TDRD3: variants seen among roughly 807,000 people sequenced by gnomAD.
The protein encoded by TDRD3 is tudor domain containing 3, also known as tudor domain-containing protein 3.
Under a neutral mutation model 86.7 loss-of-function variants are expected in TDRD3, and 45 were observed. The observed-to-expected ratio is 0.52, with a 90% CI of 0.41 to 0.67. The LOEUF is 0.67. Ranked by LOEUF, TDRD3 falls within the 30% of genes least tolerant of loss-of-function variation. The pLI is 0.00. For synonymous variants in TDRD3, 298 were observed against 301.7 expected (o/e 0.99, Z 0.13); for missense variants, 814 against 889.0 (o/e 0.92, Z 1.07).
chr13:60,502,533 C>T (rs1290891156), intron 8 of TDRD3, among the ~76,000 whole-genome samples: 1 of 152,044 alleles, frequency 6.6e-6, no homozygotes. Context: ...TCTATATAGG[C>T]CTTTTGGATT....
chr13:60,425,512 A>G (rs995534635), intron 1 of TDRD3, among the ~76,000 whole-genome samples: 1 of 152,216 alleles, frequency 6.6e-6, no homozygotes, highest in African/African-American at 2.4e-5. Flanking sequence ...TTCTGAGTAT[A>G]TATCCAAAGA....
intron 12 of TDRD3, among the ~76,000 whole-genome samples, chr13:60,541,592 A>G (rs1298494791): frequency 6.6e-6 from 1 of 151,800 alleles, no homozygotes; most frequent in Non-Finnish European, 1.5e-5. Context: ...AATATATGGC[A>G]TTGGTTAATT....
upstream of TDRD3, chr13:60,397,188 G>A: frequency 2.4e-6 from 1 of 411,460 alleles, no homozygotes; most frequent in East Asian, 3.6e-5. Context: ...AAAACGCGGC[G>A]AGCGGAACCC....
rs1319012879 is a variant in TDRD3, at chr13:60,529,150, C to T, written c.1925C>T (p.Pro642Leu). 6.2e-7 allele frequency: 1 copy of T among 1,612,160 alleles called. No homozygotes were observed. Among genetic ancestry groups the T allele is most frequent in the Non-Finnish European group, 8.5e-7 (1 of 1,179,504 alleles). The part of the protein sequence containing the change: ...KPEKILESSI[P>L]MEYAKMWKPG... ...GAAAAAATACTAGAATCATCTATTC[C>T]TATGGAGTATGCAAAAATGTGGAAA... is the stretch of plus-strand genomic sequence containing the variant. The change falls in exon 11 of 14, where the codon CCT becomes CTT. Residue 642 changes from proline to leucine, a missense_variant. Pro to Leu is a moderately conservative substitution (Grantham distance 98, BLOSUM62 -3). Transcript: ENST00000377881.
At chr13:60,499,940 G>A (rs1956798373) in intron 8 of TDRD3, among the ~76,000 whole-genome samples, 1 of 152,192 alleles carries the variant, frequency 6.6e-6, no homozygotes, top group Non-Finnish European at 1.5e-5. Context: ...ACAGGTCCAG[G>A]CTGCTGTGCA....
intron 1 of TDRD3, among the ~76,000 whole-genome samples, chr13:60,423,164 T>C (rs903237000): frequency 5.3e-5 from 8 of 152,154 alleles, no homozygotes; most frequent in African/African-American, 1.9e-4. Context: ...AGTGGAAGTA[T>C]GAATTTGGGA....
Position 60,528,412 on chromosome 13 carries a change from C to A in TDRD3, c.1187C>A (p.Ser396Ter). 6.2e-7 allele frequency: 1 copy of A among 1,613,546 alleles called. No individual in the cohort carries two copies. Among genetic ancestry groups the A allele is most frequent in the Non-Finnish European group, 8.5e-7 (1 of 1,179,806 alleles). The change falls in exon 11 of 14, where the codon TCA becomes TAA. Residue 396 changes from serine (S) to a stop codon, truncating the protein, a stop_gained. Coordinates refer to ENST00000377881, the MANE Select transcript of TDRD3 (RefSeq NM_001146070.2). LOFTEE classifies it high-confidence loss of function. ...CAGCTTCATCAGGGACAATACAGAT[C>A]ATCAAATACTGAGCAAAATGGAGTA... is the stretch of plus-strand genomic sequence containing the variant. ...PQQLHQGQYR[S>*]SNTEQNGVKD...
rs140372024 is a variant in TDRD3 at position 60,421,014 on chromosome 13, C to A, written c.42-18674C>A. 4.5e-3 allele frequency among the ~76,000 whole-genome samples: 681 copies of A among 152,254 alleles called. 13 individuals carry two copies. Among genetic ancestry groups the A allele is most frequent in the Admixed American group, 0.029 (441 of 15,288 alleles). ...TTTTATTATTCTATTTGACTGTCCT[C>A]ATGCCAATATCACACTGTCTGGATT... On this transcript the variant is annotated intron_variant, in intron 1 of 13. Coordinates refer to ENST00000377881, the MANE Select transcript of TDRD3 (RefSeq NM_001146070.2).
chr13:60,435,602 A>C (rs181859210), intron 1 of TDRD3, among the ~76,000 whole-genome samples: 1 of 152,250 alleles, frequency 6.6e-6, no homozygotes, highest in African/African-American at 2.4e-5. Flanking sequence ...ACATTATTTC[A>C]ATTCGTTTTT....
chr13:60,517,020 A>C (rs1360068912), intron 10 of TDRD3, among the ~76,000 whole-genome samples: 1 of 152,038 alleles, frequency 6.6e-6, no homozygotes, highest in Non-Finnish European at 1.5e-5. Context: ...TTTTCTGTGG[A>C]TTTTGTGAGA....
intron 11 of TDRD3, 43 bp from the exon 12 acceptor site, chr13:60,535,065 A>T (rs1337239434): frequency 3.7e-6 from 6 of 1,607,814 alleles, no homozygotes; most frequent in Non-Finnish European, 5.1e-6. Context: ...CCCTTTATAG[A>T]CAATACCAGT....
At chr13:60,412,760 T>A (rs1954396163) in intron 1 of TDRD3, among the ~76,000 whole-genome samples, 1 of 152,174 alleles carries the variant, frequency 6.6e-6, no homozygotes, top group African/African-American at 2.4e-5. Flanking sequence ...AAAATAAAAT[T>A]GAATTGGACT....
intron 9 of TDRD3, 150 bp downstream of exon 9, chr13:60,510,069 C>A (rs1030696242): frequency 6.9e-6 from 6 of 867,896 alleles, no homozygotes; most frequent in Middle Eastern, 3.6e-4. Flanking sequence ...ACCATAGAGA[C>A]ATTTGTAGTC....
intron 12 of TDRD3, among the ~76,000 whole-genome samples, chr13:60,554,414 A>G (rs9528159): frequency 0.45 from 67,970 of 151,912 alleles, 15,523 homozygotes; most frequent in South Asian, 0.54. Flanking sequence ...AATAATCTCC[A>G]GTCTTACACA....
chr13:60,479,702 G>C (rs1175296152), intron 5 of TDRD3, among the ~76,000 whole-genome samples: 2 of 152,144 alleles, frequency 1.3e-5, no homozygotes, highest in East Asian at 3.8e-4. Flanking sequence ...ACATATTTAG[G>C]ATAGCTAAGT....
chr13:60,565,478 C>G (rs1473040967), intron 12 of TDRD3, among the ~76,000 whole-genome samples: 3 of 152,128 alleles, frequency 2.0e-5, no homozygotes, highest in East Asian at 1.9e-4. Context: ...TTACTTGGAT[C>G]TGGTTAGTTC....
intron 1 of TDRD3, among the ~76,000 whole-genome samples, chr13:60,437,475 C>A (rs1186123688): frequency 8.6e-5 from 13 of 151,736 alleles, no homozygotes; most frequent in Admixed American, 8.5e-4. Flanking sequence ...AGTTAGGAGT[C>A]ATTTTTGTTT....
At chr13:60,468,805 A>G (rs779352732) in intron 5 of TDRD3, among the ~76,000 whole-genome samples, 1 of 152,226 alleles carries the variant, frequency 6.6e-6, no homozygotes, top group Non-Finnish European at 1.5e-5. Flanking sequence ...TACTTGTGGT[A>G]TAAATGAATT....
chr13:60,557,466 G>A (rs908329694), intron 12 of TDRD3, among the ~76,000 whole-genome samples: 3 of 152,104 alleles, frequency 2.0e-5, no homozygotes, highest in Non-Finnish European at 4.4e-5. Context: ...ATTGATAAAG[G>A]TTTGTAAACC....
Sources: gnomAD v4.1 joint callset for allele counts (sites outside exome capture counted in the v4.1 genomes callset) on GRCh38, gnomAD v4.1.1 for gene constraint, MANE v1.5 for transcripts, NCBI Gene and HGNC (gene_info 2026-07-23, HGNC 2026-07-21) for gene names.